Variants in ANKRD36C observed in about 807,000 individuals in gnomAD.
The protein encoded by ANKRD36C is ankyrin repeat domain 36C.
In ANKRD36C, 61 loss-of-function variants were observed where a neutral mutation model predicts 276.4. The observed-to-expected ratio is 0.22, with a 90% CI of 0.18 to 0.27. The LOEUF (loss-of-function observed/expected upper bound fraction) is 0.27, where lower values mean the gene tolerates loss of function less well. Among genes scored for constraint, ANKRD36C ranks in the 10% least tolerant of loss-of-function variants. The pLI is 1.00. For synonymous variants in ANKRD36C, 483 were observed against 680.1 expected (o/e 0.71, Z 4.51); for missense variants, 1,447 against 2,032.3 (o/e 0.71, Z 5.54).
At chr2:95,849,076 A>G (rs1426900769), downstream of ANKRD36C, among the ~76,000 whole-genome samples, 1 of 151,642 alleles carries the variant, frequency 6.6e-6, no homozygotes, top group Non-Finnish European at 1.5e-5. Context: ...TTTGTTTTGC[A>G]TTTGAGATGG....
intron 44 of ANKRD36C, among the ~76,000 whole-genome samples, 162 bp downstream of exon 60, chr2:95,897,108 C>G (rs577040838): frequency 2.7e-5 from 4 of 150,302 alleles, no homozygotes; most frequent in South Asian, 2.1e-4. Flanking sequence ...CGTTCCAGAC[C>G]AGCAGCATCA....
intron 61 of ANKRD36C, among the ~76,000 whole-genome samples, chr2:95,859,136 C>G (rs76496509): frequency 6.6e-6 from 1 of 151,772 alleles, no homozygotes; most frequent in Admixed American, 6.6e-5. Flanking sequence ...CAGGTTCATG[C>G]GATTCTCCTG....
intron 24 of ANKRD36C, among the ~76,000 whole-genome samples, chr2:95,930,878 CA>C (rs1290818169): frequency 6.6e-6 from 1 of 151,348 alleles, no homozygotes; most frequent in African/African-American, 2.4e-5. Context: ...CATTGATGTG[CA>C]AAACTTCTAG....
At chr2:95,866,468 G>A (rs879134622) in intron 60 of ANKRD36C, among the ~76,000 whole-genome samples, 1 of 152,064 alleles carries the variant, frequency 6.6e-6, no homozygotes, top group Middle Eastern at 3.4e-3. Flanking sequence ...TTTATATGCA[G>A]AAGATGTGAA....
exon 63 of ANKRD36C, chr2:95,855,861 T>C (rs77089740): frequency 6.2e-7 from 1 of 1,613,768 alleles, no homozygotes; most frequent in African/African-American, 1.3e-5. Context: ...TCTACAACGG[T>C]ATGATTGCAT....
At chr2:95,859,326 C>T (rs1237353664) in intron 61 of ANKRD36C, among the ~76,000 whole-genome samples, 1 of 151,920 alleles carries the variant, frequency 6.6e-6, no homozygotes, top group African/African-American at 2.4e-5. Flanking sequence ...GCCACTGCAC[C>T]CGGCTGATAA....
chr2:95,858,326 A>C (rs1245193439), intron 61 of ANKRD36C, among the ~76,000 whole-genome samples: 14 of 151,606 alleles, frequency 9.2e-5, no homozygotes, highest in Admixed American at 2.6e-4. Flanking sequence ...TCCTAATAAA[A>C]TTTCTATGTT....
At chr2:95,991,398 C>A in intron 1 of ANKRD36C, 114 bp downstream of exon 1, 6 of 1,173,496 alleles carry the variant, frequency 5.1e-6, no homozygotes, top group Non-Finnish European at 6.8e-6. Flanking sequence ...CCCCCTAGCC[C>A]CCGTCCATAC....
At chr2:95,850,176 T>C (rs1390478630), downstream of ANKRD36C, among the ~76,000 whole-genome samples, 1 of 152,300 alleles carries the variant, frequency 6.6e-6, no homozygotes, top group Non-Finnish European at 1.5e-5. Context: ...TCATGGCAGT[T>C]AAGTATCAGA....
intron 64 of ANKRD36C, chr2:95,853,291 T>A (rs1225208264): frequency 6.4e-6 from 1 of 157,096 alleles, no homozygotes; most frequent in Non-Finnish European, 1.4e-5. Context: ...AGAAGATAAT[T>A]TTCTGAAACA....
intron 34 of ANKRD36C, among the ~76,000 whole-genome samples, chr2:95,920,843 G>T (rs1677244110): frequency 6.7e-6 from 1 of 150,206 alleles, no homozygotes; most frequent in South Asian, 2.1e-4. Flanking sequence ...CCAAGAGATA[G>T]CTCCTGGAAC....
intron 64 of ANKRD36C, 164 bp from the exon 85 acceptor site, chr2:95,852,360 GTAA>G (rs1675314863): frequency 1.6e-6 from 1 of 633,396 alleles, no homozygotes; most frequent in South Asian, 2.1e-5. Context: ...CCTGTTTTTT[GTAA>G]TTAATTTTAG....
chr2:95,951,818 T>C (rs78930039), intron 14 of ANKRD36C, among the ~76,000 whole-genome samples: 1 of 152,312 alleles, frequency 6.6e-6, no homozygotes, highest in Non-Finnish European at 1.5e-5. Context: ...TGCGAATTAC[T>C]TTCTGTGGGA....
intron 60 of ANKRD36C, among the ~76,000 whole-genome samples, chr2:95,861,010 A>G (rs1675565162): frequency 6.6e-6 from 1 of 152,200 alleles, no homozygotes; most frequent in Non-Finnish European, 1.5e-5. Flanking sequence ...AATGACTGGA[A>G]GAGGGTCCAT....
intron 42 of ANKRD36C, 86 bp downstream of exon 48, chr2:95,908,416 A>C: frequency 7.9e-7 from 1 of 1,261,334 alleles, no homozygotes; most frequent in South Asian, 1.4e-5. Context: ...GTGCAGCTTC[A>C]ACGAGCCCCC....
chr2:95,875,604 G>A (rs1179569457), intron 59 of ANKRD36C, among the ~76,000 whole-genome samples: 11 of 151,710 alleles, frequency 7.3e-5, no homozygotes, highest in South Asian at 2.1e-4. Flanking sequence ...TGGGTGCAGC[G>A]CACCAGCATG....
At chr2:95,982,580 A>G (rs1678945240) in intron 3 of ANKRD36C, among the ~76,000 whole-genome samples, 1 of 113,392 alleles carries the variant, frequency 8.8e-6, no homozygotes, top group Non-Finnish European at 1.8e-5. Context: ...CATCTCCAAA[A>G]CTCACTTCAA....
intron 6 of ANKRD36C, among the ~76,000 whole-genome samples, chr2:95,969,575 G>C (rs1194064418): frequency 3.3e-5 from 5 of 152,124 alleles, no homozygotes; most frequent in Admixed American, 3.3e-4. Context: ...ACTAGTCATT[G>C]ACATAATCTG....
chr2:95,927,283 T>A, exon 28 of ANKRD36C: 24 of 1,609,946 alleles, frequency 1.5e-5, no homozygotes, highest in Non-Finnish European at 2.0e-5. Flanking sequence ...TCATCACTTG[T>A]AGCCTGAATG....
Sources: allele counts gnomAD v4.1 joint callset (sites outside exome capture counted in the v4.1 genomes callset), GRCh38; gene constraint gnomAD v4.1.1; transcripts MANE v1.5; gene names NCBI Gene and HGNC (gene_info 2026-07-23, HGNC 2026-07-21).